Variants in ATL1 observed in about 807,000 individuals in gnomAD.
The protein encoded by ATL1 is atlastin GTPase 1, also known as atlastin-1.
In ATL1, 31 loss-of-function variants were observed where a neutral mutation model predicts 75.5. The observed-to-expected ratio is 0.41, with a 90% CI of 0.31 to 0.55. The LOEUF (loss-of-function observed/expected upper bound fraction) is 0.55. Among genes scored for constraint, ATL1 ranks in the 20% least tolerant of loss-of-function variants. The pLI is 0.27. For missense variants in ATL1, 405 were observed against 662.6 expected, an observed-to-expected ratio of 0.61 and a Z score of 4.27; for synonymous variants, 226 against 233.3, an observed-to-expected ratio of 0.97 and a Z score of 0.28.
At chr14:50,622,028 C>T (rs2039471803) in intron 10 of ATL1, 129 bp downstream of exon 10, 3 of 742,368 alleles carry the variant, frequency 4.0e-6, no homozygotes, top group Admixed American at 4.2e-5. Flanking sequence ...AATAACTTTA[C>T]CTATTTATGT....
At chr14:50,592,525 C>T (rs1251955800) in intron 4 of ATL1, among the ~76,000 whole-genome samples, 1 of 134,276 alleles carries the variant, frequency 7.4e-6, no homozygotes, top group Non-Finnish European at 1.6e-5. Flanking sequence ...AAATAAAGGA[C>T]TTTAAAGTAA....
intron 1 of ATL1, among the ~76,000 whole-genome samples, chr14:50,533,677 A>G (rs1214767658): frequency 6.6e-6 from 1 of 152,216 alleles, no homozygotes; most frequent in East Asian, 1.9e-4. Context: ...TGACTGAAAC[A>G]TCATAAAAGA....
At position 50,628,063 on chromosome 14, in the gene ATL1, A is replaced by G. The variant is rs377127492; in HGVS notation, c.1152A>G (p.Pro384=). Residue 384 remains proline, a synonymous_variant, in exon 12 of 14, where the codon CCA becomes CCG. Transcript: ENST00000358385. ...GTGGTGACAAACCATTTCTGGCCCC[A>G]AATGACTTGCAGACCAAACACCTGC... The part of the protein sequence containing the change: ...ICGGDKPFLA[P]NDLQTKHLQL... The G allele has an allele frequency of 2.7e-5, 44 of 1,614,214 alleles. No homozygotes were observed. In the African/African-American group the frequency reaches 5.1e-4, roughly 19 times the overall value.
At chr14:50,555,675 C>T (rs1329320374), upstream of ATL1, among the ~76,000 whole-genome samples, 1 of 152,154 alleles carries the variant, frequency 6.6e-6, no homozygotes, top group African/African-American at 2.4e-5. Context: ...TGTCTTATTT[C>T]AGCCGTTGTA....
chr14:50,625,524 C>G (rs2039509869), intron 11 of ATL1, among the ~76,000 whole-genome samples: 1 of 152,156 alleles, frequency 6.6e-6, no homozygotes, highest in African/African-American at 2.4e-5. Flanking sequence ...AGGTCAATGC[C>G]TGGCTTCAAA....
chr14:50,623,079 C>A, intron 10 of ATL1, 98 bp from the exon 11 acceptor site: 1 of 975,036 alleles, frequency 1.0e-6, no homozygotes, highest in Non-Finnish European at 1.6e-6. Flanking sequence ...TGGTTTCTTG[C>A]ACATTTCTTG....
At chr14:50,571,480 T>C (rs2038954917) in intron 1 of ATL1, among the ~76,000 whole-genome samples, 1 of 152,210 alleles carries the variant, frequency 6.6e-6, no homozygotes, top group Admixed American at 6.5e-5. Context: ...CTTCATCAGA[T>C]TAAGACTTCA....
intron 1 of ATL1, among the ~76,000 whole-genome samples, chr14:50,564,824 C>G (rs1031504446): frequency 6.6e-6 from 1 of 151,912 alleles, no homozygotes; most frequent in Non-Finnish European, 1.5e-5. Flanking sequence ...TTTTAGGTTT[C>G]TGGTTTTGAG....
In ATL1 at chr14:50,577,298, G is replaced by A. The variant is rs184129618; in HGVS notation, c.35-10533G>A. On this transcript the variant is annotated intron_variant, in intron 1 of 13. Coordinates refer to ENST00000358385, the MANE Select transcript of ATL1 (RefSeq NM_015915.5). ...AGGACGATCTCAATCTCCTGACTTC[G>A]TGATCTGCCCCGCCTTGGCCTCCCA... Among the ~76,000 whole-genome samples the A allele has an allele frequency of 4.4e-3, 664 of 152,070 alleles. 7 individuals carry two copies. Among genetic ancestry groups the A allele is most frequent in the Non-Finnish European group, 6.7e-3 (456 of 67,968 alleles).
At chr14:50,544,760 C>G (rs1297605719) in intron 1 of ATL1, among the ~76,000 whole-genome samples, 3 of 151,600 alleles carry the variant, frequency 2.0e-5, no homozygotes, top group African/African-American at 7.3e-5. Context: ...ATAGTGAGAA[C>G]TCATCTCTAC....
At position 50,628,092 on chromosome 14, in the gene ATL1, T is replaced by C; in HGVS notation, c.1181T>C (p.Leu394Pro). 6.2e-7 allele frequency: 1 copy of C among 1,614,152 alleles called. No individual in the cohort carries two copies. Among genetic ancestry groups the C allele is most frequent in the South Asian group, 1.1e-5 (1 of 91,078 alleles). ...PNDLQTKHLQ[L>P]KEESVKLFRG... ...GACTTGCAGACCAAACACCTGCAAC[T>C]TAAGGAAGAATCTGTGAAGCTATTC... The change falls in exon 12 of 14, where the codon CTT becomes CCT. Residue 394 changes from leucine to proline, a missense_variant. Leu to Pro is a moderately conservative substitution (Grantham distance 98, BLOSUM62 -3). This residue lies in a region of ATL1 where 163 missense variants were observed against 244.1 expected (regional missense o/e 0.67). Coordinates refer to ENST00000358385, the MANE Select transcript of ATL1 (RefSeq NM_015915.5).
Position 50,560,147 on chromosome 14 carries a change from A to T in ATL1, c.-119A>T. On this transcript the variant is annotated 5_prime_UTR_variant, in exon 1 of 14. Transcript: ENST00000358385. ...ACCAGCGCCACAGCAACATCCTCAG[A>T]GTCTGAGCGAACTGCGCCCAGCGCG... is the stretch of plus-strand genomic sequence containing the variant. 8.4e-7 allele frequency: 1 copy of T among 1,196,200 alleles called. No homozygotes were observed. The highest frequency in any genetic ancestry group is 1.2e-6 in the Non-Finnish European group (1 of 821,972). 74.1% of individuals were successfully genotyped at this position (1,196,200 alleles called of 1,614,324 possible). A position where few individuals can be genotyped will look rare whatever the true frequency, so the allele number is the denominator to read the frequency against.
chr14:50,592,621 A>G lies in ATL1; in HGVS notation c.522+982A>G, dbSNP rs376796979. Among the ~76,000 whole-genome samples the G allele has an allele frequency of 2.6e-5, 4 of 152,122 alleles. No homozygotes were observed. The South Asian group carries it at 6.2e-4, about 24-fold the overall frequency. On this transcript the variant is annotated intron_variant, in intron 4 of 13. Transcript: ENST00000358385. ...TTCTTTCAGTTGACAAATAAAAATT[A>G]TATATATTGGCCAGGCACGGTGGCT...
chr14:50,554,661 A>G (rs981837573), intron 1 of ATL1, among the ~76,000 whole-genome samples: 2 of 152,218 alleles, frequency 1.3e-5, no homozygotes, highest in Non-Finnish European at 2.9e-5. Context: ...AAGGAAAACA[A>G]TCTCATTGCT....
At chr14:50,618,153 A>G (rs531348282) in intron 8 of ATL1, among the ~76,000 whole-genome samples, 1 of 152,340 alleles carries the variant, frequency 6.6e-6, no homozygotes, top group South Asian at 2.1e-4. Context: ...TGGTTTTATA[A>G]GAAGAAAACT....
intron 8 of ATL1, among the ~76,000 whole-genome samples, chr14:50,617,716 A>G (rs779181252): frequency 2.0e-5 from 3 of 152,230 alleles, no homozygotes; most frequent in Non-Finnish European, 4.4e-5. Context: ...GAAGAAAATT[A>G]CTGAACATAA....
chr14:50,585,534 G>A (rs2039093903), intron 1 of ATL1, among the ~76,000 whole-genome samples: 1 of 152,080 alleles, frequency 6.6e-6, no homozygotes, highest in East Asian at 1.9e-4. Flanking sequence ...TTAGGTGGTA[G>A]GTAGGACTGT....
intron 6 of ATL1, among the ~76,000 whole-genome samples, chr14:50,603,773 G>A (rs1480179121): frequency 6.6e-6 from 1 of 152,172 alleles, no homozygotes; most frequent in Non-Finnish European, 1.5e-5. Context: ...GAAAATGAAA[G>A]GCTGATGTCG....
intron 5 of ATL1, among the ~76,000 whole-genome samples, chr14:50,594,250 C>T (rs2039190991): frequency 6.6e-6 from 1 of 152,176 alleles, no homozygotes; most frequent in Non-Finnish European, 1.5e-5. Context: ...AACTCACTCA[C>T]TATGGCGAGA....
Sources: gnomAD v4.1 joint callset for allele counts (sites outside exome capture counted in the v4.1 genomes callset) on GRCh38, gnomAD v4.1.1 for gene constraint, gnomAD v4.1.1 regional missense constraint, MANE v1.5 for transcripts, NCBI Gene and HGNC (gene_info 2026-07-23, HGNC 2026-07-21) for gene names.